SBF2: variants seen among roughly 807,000 people sequenced by gnomAD.
SBF2 encodes the protein SET binding factor 2, also known as myotubularin-related protein 13.
SBF2 carries 112 observed loss-of-function variants against 225.2 expected under a neutral mutation model. The ratio of observed to expected loss-of-function variants is 0.50; its 90% CI spans 0.43 to 0.58. The LOEUF is 0.58. Among genes scored for constraint, SBF2 ranks in the 20% least tolerant of loss-of-function variants. The pLI, the probability that SBF2 is intolerant of heterozygous loss-of-function variation, is 0.00. For synonymous variants in SBF2, 763 were observed against 773.3 expected, an observed-to-expected ratio of 0.99 and a Z score of 0.22; for missense variants, 1,996 against 2,206.2, an observed-to-expected ratio of 0.90 and a Z score of 1.91.
At chr11:10,144,242 C>G (rs1218463624) in intron 2 of SBF2, among the ~76,000 whole-genome samples, 1 of 152,136 alleles carries the variant, frequency 6.6e-6, no homozygotes, top group Non-Finnish European at 1.5e-5. Context: ...AATCCCAGCA[C>G]TTTGGGAGGC....
intron 13 of SBF2, among the ~76,000 whole-genome samples, chr11:9,985,204 AGACTCACCTAACATACATAAC>A (rs1309012095): frequency 2.0e-5 from 3 of 152,236 alleles, no homozygotes; most frequent in African/African-American, 7.2e-5. Flanking sequence ...TGCCTTCAGG[AGACTCACCTAACATACATAAC>A]GACTCACATA....
chr11:10,169,591 T>G (rs1956108060), intron 2 of SBF2, among the ~76,000 whole-genome samples: 1 of 152,208 alleles, frequency 6.6e-6, no homozygotes, highest in African/African-American at 2.4e-5. Context: ...GATGGACACT[T>G]AGGTTGCTTC....
intron 1 of SBF2, among the ~76,000 whole-genome samples, chr11:10,217,922 T>C (rs1377579139): frequency 2.0e-5 from 3 of 151,816 alleles, no homozygotes; most frequent in Non-Finnish European, 4.4e-5. Flanking sequence ...TTCTTTGAGA[T>C]GGAGTCTCGC....
intron 3 of SBF2, among the ~76,000 whole-genome samples, chr11:10,039,332 A>G (rs1301864791): frequency 6.6e-6 from 1 of 151,958 alleles, no homozygotes; most frequent in South Asian, 2.1e-4. Context: ...ATGACAAGAA[A>G]GAAACATCTT....
At chr11:9,787,111 G>A (rs2133853852) in intron 36 of SBF2, among the ~76,000 whole-genome samples, 1 of 152,248 alleles carries the variant, frequency 6.6e-6, no homozygotes, top group South Asian at 2.1e-4. Flanking sequence ...GGCCAGGATG[G>A]TCTCGATCTC....
intron 33 of SBF2, among the ~76,000 whole-genome samples, chr11:9,794,939 C>T (rs377348611): frequency 5.3e-5 from 8 of 151,952 alleles, no homozygotes; most frequent in East Asian, 3.9e-4. Flanking sequence ...CCCTGGAAAG[C>T]GGTATTTCCT....
intron 3 of SBF2, among the ~76,000 whole-genome samples, chr11:10,038,542 C>CTTTCACTG (rs1949533532): frequency 6.6e-6 from 1 of 151,900 alleles, no homozygotes; most frequent in Admixed American, 6.6e-5. Flanking sequence ...GCCTAGTCTG[C>CTTTCACTG]AATTATTATC....
chr11:10,223,181 T>C (rs1958402585), intron 1 of SBF2, among the ~76,000 whole-genome samples: 2 of 151,498 alleles, frequency 1.3e-5, no homozygotes, highest in Admixed American at 6.6e-5. Flanking sequence ...CCAACATCAA[T>C]TATGTTTCCC....
intron 2 of SBF2, among the ~76,000 whole-genome samples, chr11:10,112,520 T>A (rs912401968): frequency 6.6e-6 from 1 of 152,220 alleles, no homozygotes. Flanking sequence ...TCCATTAAAC[T>A]TCTTTCTGGT....
chr11:10,035,088 C>T (rs928786999), intron 3 of SBF2, among the ~76,000 whole-genome samples: 11 of 152,156 alleles, frequency 7.2e-5, no homozygotes, highest in Non-Finnish European at 1.5e-4. Context: ...CCTCAGCCTC[C>T]TGAGAGGCTG....
At chr11:9,838,846 A>G (rs943613169) in intron 26 of SBF2, 11 of 154,032 alleles carry the variant, frequency 7.1e-5, no homozygotes, top group African/African-American at 2.6e-4. Context: ...TAAAGCATGG[A>G]ATAAGACTCA....
intron 2 of SBF2, among the ~76,000 whole-genome samples, chr11:10,084,445 A>G (rs368171068): frequency 6.6e-6 from 1 of 152,196 alleles, no homozygotes; most frequent in South Asian, 2.1e-4. Flanking sequence ...GTTGGTGAGG[A>G]TACAAAGAAA....
chr11:10,093,543 T>G (rs973885564), intron 2 of SBF2, among the ~76,000 whole-genome samples: 2 of 152,194 alleles, frequency 1.3e-5, no homozygotes, highest in Non-Finnish European at 2.9e-5. Context: ...TGTGTTAACT[T>G]TAGAACCCAG....
At chr11:10,138,710 G>C (rs141497359) in intron 2 of SBF2, among the ~76,000 whole-genome samples, 1 of 151,958 alleles carries the variant, frequency 6.6e-6, no homozygotes, top group African/African-American at 2.4e-5. Context: ...GAAACATACT[G>C]TTCACTTTTC....
intron 9 of SBF2, among the ~76,000 whole-genome samples, chr11:9,997,240 G>C (rs1165583595): frequency 6.6e-6 from 1 of 152,190 alleles, no homozygotes. Context: ...TAAGGCCTTA[G>C]TTCTAGTGAT....
intron 1 of SBF2, among the ~76,000 whole-genome samples, chr11:10,280,949 C>T (rs1963369301): frequency 6.6e-6 from 1 of 152,186 alleles, no homozygotes; most frequent in Non-Finnish European, 1.5e-5. Flanking sequence ...AAATGCAAAG[C>T]TTTTCATTAA....
At chr11:9,997,350 A>G (rs1565111054) in intron 9 of SBF2, among the ~76,000 whole-genome samples, 1 of 152,256 alleles carries the variant, frequency 6.6e-6, no homozygotes, top group African/African-American at 2.4e-5. Context: ...AAATTTGGCT[A>G]AGGTAAAATA....
At chr11:9,886,069 C>T (rs1330080714) in intron 17 of SBF2, among the ~76,000 whole-genome samples, 2 of 152,158 alleles carry the variant, frequency 1.3e-5, no homozygotes, top group Non-Finnish European at 2.9e-5. Context: ...AGAAAATGTA[C>T]TTGGAGGGGC....
In SBF2 at chr11:9,785,207, A is replaced by T. The variant is rs1193551082; in HGVS notation, c.5149T>A (p.Ser1717Thr). 1 of 1,614,000 alleles carries T rather than the reference A, an allele frequency of 6.2e-7. No homozygotes were observed. The highest frequency in any genetic ancestry group is 2.2e-5 in the East Asian group (1 of 44,894). Residue 1717 changes from serine (S) to threonine (T), a missense_variant, in exon 37 of 40, where the codon TCC becomes ACC. Coordinates refer to ENST00000256190, the MANE Select transcript of SBF2 (RefSeq NM_030962.4). ...PDSSMGEEQNSSISPSNGVER... is the reference protein window; with the variant it reads ...PDSSMGEEQNTSISPSNGVER... The stretch of plus-strand genomic sequence containing the variant: ...ACTCCATTGGATGGGGAGATGCTGG[A>T]ATTCTGTTCCTCCCCCATGCTGCTG...
Sources: gnomAD v4.1 joint callset for allele counts (sites outside exome capture counted in the v4.1 genomes callset) on GRCh38, gnomAD v4.1.1 for gene constraint, MANE v1.5 for transcripts, NCBI Gene and HGNC (gene_info 2026-07-23, HGNC 2026-07-21) for gene names.